Variants in USP8 observed in about 807,000 individuals in gnomAD.
USP8 encodes ubiquitin carboxyl-terminal hydrolase 8.
In USP8, 27 loss-of-function variants were observed where a neutral mutation model predicts 130.0. The observed-to-expected ratio is 0.21, with a 90% confidence interval of 0.15 to 0.29. USP8 has a LOEUF of 0.29. USP8 is among the 10% of genes least tolerant of loss of function. The probability of loss-of-function intolerance (pLI) is 1.00; values close to 1 mark genes in which losing one functional copy is unlikely to be tolerated. For missense variants in USP8, 1,029 were observed against 1,312.2 expected (o/e 0.78, Z 3.33); for synonymous variants, 392 against 444.1 (o/e 0.88, Z 1.48).
Position 50,439,083 on chromosome 15 carries a change from G to A in USP8, c.10G>A (p.Val4Met), listed in dbSNP as rs1362442451. ...GTAAAGATAATTCATCATGCCTGCT[G>A]TGGCTTCAGTTCCTAAAGAACTCTA... MPA[V>M]ASVPKELYLS... The change falls in exon 2 of 20, where the codon GTG becomes ATG. Residue 4 changes from valine (V) to methionine (M), a missense_variant. This residue lies in a region of USP8 where 281 missense variants were observed against 336.7 expected (regional missense o/e 0.83). Transcript: ENST00000307179. 1.2e-6 allele frequency: 2 copies of A among 1,608,978 alleles called. No individual in the cohort carries two copies. Among genetic ancestry groups the A allele is most frequent in the African/African-American group, 1.3e-5 (1 of 74,676 alleles).
intron 1 of USP8, among the ~76,000 whole-genome samples, chr15:50,434,403 G>A (rs1179046174): frequency 6.6e-6 from 1 of 151,158 alleles, no homozygotes; most frequent in Non-Finnish European, 1.5e-5. Flanking sequence ...ACGCCCGGCT[G>A]CATTTTCTCT....
chr15:50,503,714 T>A lies in USP8; in HGVS notation c.*4626T>A, dbSNP rs1165057564. The A allele has an allele frequency of 6.6e-6, 1 of 152,220 alleles. No homozygotes were observed. Among genetic ancestry groups the A allele is most frequent in the Admixed American group, 6.5e-5 (1 of 15,280 alleles). The allele number at this position is 152,220 out of a possible 1,614,324, so 9.4% of individuals were successfully genotyped here. On this transcript the variant is annotated 3_prime_UTR_variant, in exon 20 of 20. Coordinates refer to ENST00000307179, the MANE Select transcript of USP8 (RefSeq NM_005154.5). ...GTCTGCGAATCCTGTGAACTTAATA[T>A]GAAAAGTATTTCTAGGGCAGTTGCC...
Position 50,473,456 on chromosome 15 carries a change from C to T in USP8, c.849+1661C>T, listed in dbSNP as rs1243975326. Among the ~76,000 whole-genome samples the T allele has an allele frequency of 2.6e-5, 4 of 152,130 alleles. No homozygotes were observed. The South Asian group carries it at 8.3e-4, about 32-fold the overall frequency. On this transcript the variant is annotated intron_variant, in intron 8 of 19. Transcript: ENST00000307179. Reference sequence around the variant, plus strand: ...ACATGCTCAGTACAGACATAACCATCATAGGCCTAACTATATATTTTTTAA... The same window carrying T: ...ACATGCTCAGTACAGACATAACCATTATAGGCCTAACTATATATTTTTTAA...
intron 7 of USP8, among the ~76,000 whole-genome samples, chr15:50,465,868 T>C (rs1461529685): frequency 1.3e-5 from 2 of 152,200 alleles, no homozygotes; most frequent in Non-Finnish European, 2.9e-5. Context: ...ATTTCTAAGC[T>C]CAGGTTTCCA....
intron 12 of USP8, among the ~76,000 whole-genome samples, chr15:50,486,505 A>G (rs2051966602): frequency 6.6e-6 from 1 of 152,142 alleles, no homozygotes; most frequent in African/African-American, 2.4e-5. Flanking sequence ...AAGGGGAAAA[A>G]ATGACATAAA....
At chr15:50,431,161 GCC>G (rs2049918905) in intron 1 of USP8, among the ~76,000 whole-genome samples, 3 of 130,296 alleles carry the variant, frequency 2.3e-5, no homozygotes, top group Non-Finnish European at 3.3e-5. Flanking sequence ...CAGTGTGTGT[GCC>G]TCTGTGTGTG....
At chr15:50,489,696 G>T in intron 12 of USP8, 105 bp from the exon 13 acceptor site, 1 of 702,598 alleles carries the variant, frequency 1.4e-6, no homozygotes, top group South Asian at 2.9e-5. Flanking sequence ...AAGGTTTTTT[G>T]ATTCTTTGGT....
chr15:50,499,154 T>A lies in USP8; in HGVS notation c.*66T>A. 6.8e-7 allele frequency: 1 copy of A among 1,471,068 alleles called. No homozygotes were observed. The highest frequency in any genetic ancestry group is 9.1e-7 in the Non-Finnish European group (1 of 1,098,702). 91.1% of individuals were successfully genotyped at this position (1,471,068 alleles called of 1,614,324 possible). On this transcript the variant is annotated 3_prime_UTR_variant, in exon 20 of 20. Coordinates refer to ENST00000307179, the MANE Select transcript of USP8 (RefSeq NM_005154.5). ...AGCAACACAACTCTTGAAATGCTTA[T>A]CAGGATAATGGTAGCTATAGCTGGC...
chr15:50,436,822 A>G (rs1405391092), intron 1 of USP8, among the ~76,000 whole-genome samples: 1 of 152,054 alleles, frequency 6.6e-6, no homozygotes, highest in Non-Finnish European at 1.5e-5. Context: ...GGCATGCACT[A>G]CCATGCCTGG....
intron 1 of USP8, among the ~76,000 whole-genome samples, chr15:50,431,568 T>C (rs1302284724): frequency 6.6e-6 from 1 of 152,198 alleles, no homozygotes; most frequent in African/African-American, 2.4e-5. Context: ...GTGAGGACTA[T>C]TGAGATAGGT....
chr15:50,472,521 C>T (rs559483920), intron 8 of USP8, among the ~76,000 whole-genome samples: 3 of 150,664 alleles, frequency 2.0e-5, no homozygotes, highest in South Asian at 2.1e-4. Flanking sequence ...GGCAGGAACC[C>T]GGGAGGCAGA....
intron 1 of USP8, among the ~76,000 whole-genome samples, chr15:50,427,774 G>T (rs537545213): frequency 6.6e-6 from 1 of 151,936 alleles, no homozygotes; most frequent in East Asian, 1.9e-4. Flanking sequence ...GGCCAGGCTG[G>T]TCTTGAACTC....
rs184335240 is a variant in USP8 at position 50,496,068 on chromosome 15, G to A, written c.2879G>A (p.Ser960Asn). The A allele has an allele frequency of 3.1e-6, 5 of 1,611,376 alleles. No individual in the cohort carries two copies. The East Asian group carries it at 6.7e-5, about 22-fold the overall frequency. Residue 960 changes from serine (S) to asparagine (N), a missense_variant, in exon 17 of 20, where the codon AGT becomes AAT. Physicochemically the swap from Ser to Asn is conservative, Grantham distance 46. Coordinates refer to ENST00000307179, the MANE Select transcript of USP8 (RefSeq NM_005154.5). ...TTGTCTCTACCACTAGCATCCACAAGTAAATGTACATTACAGGTAAGTTTA... is the reference window on the plus strand; with the variant it reads ...TTGTCTCTACCACTAGCATCCACAAATAAATGTACATTACAGGTAAGTTTA... ...MYLSLPLAST[S>N]KCTLQDCLRL...
At chr15:50,471,981 A>T (rs1409406705) in intron 8 of USP8, among the ~76,000 whole-genome samples, 186 bp downstream of exon 8, 2 of 150,072 alleles carry the variant, frequency 1.3e-5, no homozygotes, top group African/African-American at 4.9e-5. Context: ...GCTCACTGCA[A>T]CCTCCGCGTC....
chr15:50,478,932 G>A (rs2051665791), intron 10 of USP8, among the ~76,000 whole-genome samples: 2 of 152,078 alleles, frequency 1.3e-5, no homozygotes, highest in Non-Finnish European at 1.5e-5. Flanking sequence ...GTGCGTGCCT[G>A]CAGTCCCAGC....
chr15:50,459,255 T>G, intron 5 of USP8, 93 bp downstream of exon 5: 1 of 1,451,632 alleles, frequency 6.9e-7, no homozygotes, highest in Non-Finnish European at 9.2e-7. Context: ...AAAGTTCTTT[T>G]AGGCAACAAG....
intron 8 of USP8, 30 bp from the exon 9 acceptor site, chr15:50,476,819 C>G (rs2051582114): frequency 6.6e-7 from 1 of 1,524,412 alleles, no homozygotes; most frequent in Admixed American, 2.5e-5. Context: ...GATTGCTGCC[C>G]TATTTAAAAT....
At chr15:50,456,815 G>T (rs1422238899) in intron 4 of USP8, among the ~76,000 whole-genome samples, 1 of 152,234 alleles carries the variant, frequency 6.6e-6, no homozygotes, top group Non-Finnish European at 1.5e-5. Context: ...GAACCTGGAA[G>T]GTGGAGGTTG....
intron 6 of USP8, 34 bp downstream of exon 6, chr15:50,462,356 G>T: frequency 1.3e-6 from 2 of 1,564,794 alleles, no homozygotes; most frequent in South Asian, 2.4e-5. Context: ...GTTGTTTTAG[G>T]TTCTGACTGA....
Sources: allele counts gnomAD v4.1 joint callset (sites outside exome capture counted in the v4.1 genomes callset), GRCh38; gene constraint gnomAD v4.1.1; regional missense constraint gnomAD v4.1.1; transcripts MANE v1.5; gene names NCBI Gene and HGNC (gene_info 2026-07-23, HGNC 2026-07-21).